Variants in LDLRAD3 observed in about 807,000 individuals in gnomAD.
The protein encoded by LDLRAD3 is low-density lipoprotein receptor class A domain-containing protein 3.
LDLRAD3 carries 20 observed loss-of-function variants against 29.4 expected under a neutral mutation model. The ratio of observed to expected loss-of-function variants is 0.68; its 90% confidence interval spans 0.48 to 0.99. The LOEUF is 0.99. LDLRAD3 is among the 50% of genes least tolerant of loss of function. LDLRAD3 has a pLI of 0.00. For synonymous variants in LDLRAD3, 157 were observed against 192.7 expected (o/e 0.81, Z 1.53); for missense variants, 420 against 454.3 (o/e 0.92, Z 0.69).
At chr11:36,207,629 G>A (rs1855228481) in intron 4 of LDLRAD3, among the ~76,000 whole-genome samples, 1 of 152,206 alleles carries the variant, frequency 6.6e-6, no homozygotes, top group Non-Finnish European at 1.5e-5. Context: ...CAGCCTGGGT[G>A]TTGGAGTGTG....
At chr11:35,975,233 T>G (rs1473816207) in intron 1 of LDLRAD3, among the ~76,000 whole-genome samples, 3 of 152,172 alleles carry the variant, frequency 2.0e-5, no homozygotes, top group African/African-American at 2.4e-5. Context: ...ATTCTGTATT[T>G]TATTAGGGAT....
At chr11:36,035,752 C>T (rs1852295556) in intron 1 of LDLRAD3, among the ~76,000 whole-genome samples, 1 of 152,166 alleles carries the variant, frequency 6.6e-6, no homozygotes, top group African/African-American at 2.4e-5. Flanking sequence ...GTCCAGTGCT[C>T]ACTCCTGTCT....
chr11:36,180,436 C>T (rs1854742374), intron 4 of LDLRAD3, among the ~76,000 whole-genome samples: 2 of 152,084 alleles, frequency 1.3e-5, no homozygotes, highest in African/African-American at 4.8e-5. Context: ...TCTTCATGGA[C>T]GTATAGTCTA....
intron 4 of LDLRAD3, among the ~76,000 whole-genome samples, chr11:36,145,207 G>C (rs1427869200): frequency 3.8e-5 from 2 of 52,686 alleles, no homozygotes; most frequent in South Asian, 2.1e-3. Flanking sequence ...AGGGAGGTGG[G>C]GGGGTCAGCC....
At chr11:36,172,507 C>T (rs749462284) in intron 4 of LDLRAD3, among the ~76,000 whole-genome samples, 8 of 151,458 alleles carry the variant, frequency 5.3e-5, no homozygotes, top group Non-Finnish European at 8.8e-5. Context: ...CCTTCTATGC[C>T]GATTTTGCTG....
At chr11:36,183,885 CAT>C (rs992052985) in intron 4 of LDLRAD3, 4 of 209,354 alleles carry the variant, frequency 1.9e-5, no homozygotes, top group Non-Finnish European at 4.0e-5. Flanking sequence ...TAAGTGGGTC[CAT>C]TGAGTTTTTA....
chr11:36,098,208 G>C (rs1853391724), intron 3 of LDLRAD3, 119 bp from the exon 4 acceptor site: 9 of 1,240,032 alleles, frequency 7.3e-6, no homozygotes, highest in Non-Finnish European at 1.0e-5. Flanking sequence ...GAGTCTGCCA[G>C]CTTAGAAGAT....
At chr11:36,065,731 C>G (rs992882959) in intron 2 of LDLRAD3, among the ~76,000 whole-genome samples, 2 of 152,200 alleles carry the variant, frequency 1.3e-5, no homozygotes, top group Non-Finnish European at 2.9e-5. Flanking sequence ...GAATGGAAGT[C>G]TTCAGTTCCC....
chr11:36,207,610 A>T lies in LDLRAD3; in HGVS notation c.455-19475A>T, dbSNP rs747464702. Among the ~76,000 whole-genome samples the T allele has an allele frequency of 2.0e-5, 3 of 152,264 alleles. No homozygotes were observed. The South Asian group carries it at 6.2e-4, about 32-fold the overall frequency. ...AGCTGCAGTAAGCCATGATTGTGCC[A>T]CTGCACTCCAGCCTGGGTGTTGGAG... On this transcript the variant is annotated intron_variant, in intron 4 of 5. Transcript: ENST00000315571.
chr11:36,157,596 GGGGGTCATGATAA>G (rs1449488358), intron 4 of LDLRAD3, among the ~76,000 whole-genome samples: 1 of 152,192 alleles, frequency 6.6e-6, no homozygotes, highest in Non-Finnish European at 1.5e-5. Flanking sequence ...TCTGTGGATT[GGGGGTCATGATAA>G]GGGAAGGGAG....
intron 4 of LDLRAD3, among the ~76,000 whole-genome samples, chr11:36,145,080 G>T: frequency 9.5e-6 from 1 of 104,800 alleles, no homozygotes. Context: ...CCTCTGCCCG[G>T]CCAGCCGCCC....
intron 1 of LDLRAD3, among the ~76,000 whole-genome samples, chr11:35,950,702 A>G (rs948414837): frequency 6.6e-6 from 1 of 152,114 alleles, no homozygotes; most frequent in African/African-American, 2.4e-5. Context: ...GCTCCCATTC[A>G]TTGAAGGTTT....
chr11:36,158,605 C>G (rs1470787932), intron 4 of LDLRAD3, among the ~76,000 whole-genome samples: 1 of 145,234 alleles, frequency 6.9e-6, no homozygotes, highest in Non-Finnish European at 1.5e-5. Flanking sequence ...TATATCTACT[C>G]TCTGTCTCTG....
intron 4 of LDLRAD3, among the ~76,000 whole-genome samples, chr11:36,215,063 G>A (rs935325993): frequency 6.6e-6 from 1 of 152,218 alleles, no homozygotes; most frequent in African/African-American, 2.4e-5. Flanking sequence ...TGATGTCGGT[G>A]GGCCAGAAAG....
chr11:36,203,316 C>G (rs934540782), intron 4 of LDLRAD3, among the ~76,000 whole-genome samples: 2 of 152,180 alleles, frequency 1.3e-5, no homozygotes, highest in Non-Finnish European at 2.9e-5. Flanking sequence ...ACAAACACCT[C>G]ATGAGATGCA....
intron 4 of LDLRAD3, among the ~76,000 whole-genome samples, chr11:36,215,272 C>T (rs2133384630): frequency 6.6e-6 from 1 of 152,246 alleles, no homozygotes; most frequent in South Asian, 2.1e-4. Context: ...TATTCAGGGC[C>T]TGGAGGCCAT....
At chr11:36,129,330 T>A (rs1295221822) in intron 4 of LDLRAD3, among the ~76,000 whole-genome samples, 1 of 152,186 alleles carries the variant, frequency 6.6e-6, no homozygotes, top group Non-Finnish European at 1.5e-5. Flanking sequence ...GGACTTGGTG[T>A]TTTGCTGATT....
intron 4 of LDLRAD3, among the ~76,000 whole-genome samples, chr11:36,130,789 A>G (rs1853914650): frequency 6.6e-6 from 1 of 152,166 alleles, no homozygotes; most frequent in Admixed American, 6.5e-5. Context: ...TGGTAGGTAG[A>G]GGCTGAGGCT....
At chr11:36,038,717 C>T (rs939841286) in intron 2 of LDLRAD3, among the ~76,000 whole-genome samples, 1 of 152,156 alleles carries the variant, frequency 6.6e-6, no homozygotes, top group Non-Finnish European at 1.5e-5. Context: ...TGGCTATTCT[C>T]CATTATTTTT....
Sources: allele counts gnomAD v4.1 joint callset (sites outside exome capture counted in the v4.1 genomes callset), GRCh38; gene constraint gnomAD v4.1.1; transcripts MANE v1.5; gene names NCBI Gene and HGNC (gene_info 2026-07-23, HGNC 2026-07-21).